Variants in LRMDA observed in about 807,000 individuals in gnomAD.
LRMDA encodes the protein leucine rich melanocyte differentiation associated, also known as leucine-rich melanocyte differentiation-associated protein.
A neutral mutation model predicts 29.8 loss-of-function variants in LRMDA; 18 were observed. The observed-to-expected ratio is 0.60, with a 90% confidence interval of 0.42 to 0.90. LRMDA has a LOEUF of 0.90. Among genes scored for constraint, LRMDA ranks in the 40% least tolerant of loss-of-function variants. The pLI is 0.00. For missense variants in LRMDA, 273 were observed against 273.9 expected (o/e 1.00, Z 0.02); for synonymous variants, 125 against 109.4 (o/e 1.14, Z -0.89).
chr10:75,447,693 G>A (rs1371645374), intron 2 of LRMDA, among the ~76,000 whole-genome samples: 1 of 152,058 alleles, frequency 6.6e-6, no homozygotes, highest in Non-Finnish European at 1.5e-5. Context: ...CCAGGAGTTT[G>A]AAACCAGCCT....
At chr10:76,168,488 C>CT (rs1161367531) in intron 5 of LRMDA, among the ~76,000 whole-genome samples, 1 of 152,182 alleles carries the variant, frequency 6.6e-6, no homozygotes, top group African/African-American at 2.4e-5. Flanking sequence ...TTTTGAACAA[C>CT]TTTGCTCAAA....
chr10:75,857,763 C>G (rs1395834893), intron 2 of LRMDA, among the ~76,000 whole-genome samples: 1 of 152,168 alleles, frequency 6.6e-6, no homozygotes, highest in African/African-American at 2.4e-5. Context: ...AGTAAAGCAC[C>G]AAATGAGCTG....
chr10:75,795,807 G>A (rs988192245), intron 2 of LRMDA, among the ~76,000 whole-genome samples: 2 of 152,094 alleles, frequency 1.3e-5, no homozygotes, highest in African/African-American at 2.4e-5. Flanking sequence ...TTTTGATTGG[G>A]ATTTTATTGA....
chr10:76,174,246 A>G (rs1374219450), intron 5 of LRMDA, among the ~76,000 whole-genome samples: 6 of 152,182 alleles, frequency 3.9e-5, no homozygotes, highest in African/African-American at 1.4e-4. Flanking sequence ...AAAACATATC[A>G]TGTACCCCAT....
At chr10:75,807,410 G>T (rs1228481108) in intron 2 of LRMDA, among the ~76,000 whole-genome samples, 1 of 152,222 alleles carries the variant, frequency 6.6e-6, no homozygotes, top group Non-Finnish European at 1.5e-5. Flanking sequence ...CTAGCCGTTG[G>T]CAAAGGGTCT....
intron 5 of LRMDA, among the ~76,000 whole-genome samples, chr10:76,154,145 T>C (rs1464758162): frequency 6.6e-6 from 1 of 152,222 alleles, no homozygotes; most frequent in Non-Finnish European, 1.5e-5. Flanking sequence ...TCTTTCTTGA[T>C]CATTGGATTT....
chr10:75,713,551 A>T (rs1426260686), intron 2 of LRMDA, among the ~76,000 whole-genome samples: 1 of 152,272 alleles, frequency 6.6e-6, no homozygotes, highest in Admixed American at 6.5e-5. Context: ...TAGAAATCTA[A>T]AAATACAAAA....
At chr10:76,336,589 A>G (rs1164345813) in intron 6 of LRMDA, among the ~76,000 whole-genome samples, 1 of 152,162 alleles carries the variant, frequency 6.6e-6, no homozygotes, top group Non-Finnish European at 1.5e-5. Context: ...GTGGGGAGCC[A>G]GGGAAATAAT....
intron 2 of LRMDA, among the ~76,000 whole-genome samples, chr10:75,511,995 G>A (rs931604036): frequency 2.0e-5 from 3 of 152,184 alleles, no homozygotes; most frequent in Non-Finnish European, 2.9e-5. Flanking sequence ...ATTGCTTCTG[G>A]AAGTTCTTCA....
intron 2 of LRMDA, among the ~76,000 whole-genome samples, chr10:75,535,284 A>G (rs774369869): frequency 2.6e-5 from 4 of 152,086 alleles, no homozygotes; most frequent in Non-Finnish European, 5.9e-5. Flanking sequence ...ACCATCAACA[A>G]CCTGAAATAG....
chr10:75,604,897 C>A (rs994800118), intron 2 of LRMDA, among the ~76,000 whole-genome samples: 1 of 152,174 alleles, frequency 6.6e-6, no homozygotes, highest in Non-Finnish European at 1.5e-5. Context: ...TTTAATAGAG[C>A]CCCAACCTTC....
chr10:75,470,450 T>G (rs971901377), intron 2 of LRMDA, among the ~76,000 whole-genome samples: 1 of 152,120 alleles, frequency 6.6e-6, no homozygotes, highest in African/African-American at 2.4e-5. Context: ...TGAGCTGAGA[T>G]TGCACCACTG....
chr10:76,130,326 A>T (rs1387174279), intron 5 of LRMDA, among the ~76,000 whole-genome samples: 1 of 152,240 alleles, frequency 6.6e-6, no homozygotes. Flanking sequence ...TGGGTAGGCT[A>T]CTAGTGTGGA....
At chr10:76,425,930 A>G (rs552393341) in intron 6 of LRMDA, among the ~76,000 whole-genome samples, 5 of 152,152 alleles carry the variant, frequency 3.3e-5, no homozygotes, top group African/African-American at 1.2e-4. Flanking sequence ...AAGGACATGA[A>G]CTCATCATTT....
In LRMDA at chr10:75,543,269, A is replaced by G. The variant is rs149884122; in HGVS notation, c.131+104775A>G. 6.4e-3 allele frequency among the ~76,000 whole-genome samples: 971 copies of G among 152,290 alleles called. 14 individuals are homozygous for G. Among genetic ancestry groups the G allele is most frequent in the African/African-American group, 0.022 (906 of 41,552 alleles). On this transcript the variant is annotated intron_variant, in intron 2 of 6. Transcript: ENST00000611255. The stretch of plus-strand genomic sequence containing the variant: ...TCCCACTGGAGAAAATGAGCTGAAC[A>G]TTTTGCTTCTTCTTTAACAGGGCGC...
At chr10:76,120,318 A>G (rs1849762011) in intron 5 of LRMDA, among the ~76,000 whole-genome samples, 1 of 151,626 alleles carries the variant, frequency 6.6e-6, no homozygotes, top group Non-Finnish European at 1.5e-5. Context: ...CCTCCTGAGT[A>G]GCTGGGACTA....
chr10:75,493,364 T>TGTGG (rs1845010007), intron 2 of LRMDA, among the ~76,000 whole-genome samples: 1 of 149,916 alleles, frequency 6.7e-6, no homozygotes. Flanking sequence ...TGTGTGTGTG[T>TGTGG]GTGTGTGTGT....
chr10:75,720,998 G>A (rs183588148), intron 2 of LRMDA, among the ~76,000 whole-genome samples: 97 of 152,336 alleles, frequency 6.4e-4, no homozygotes, highest in Admixed American at 1.8e-3. Context: ...TAACTATGCC[G>A]TGCCATCTTG....
chr10:76,051,209 T>C (rs1288718165), intron 4 of LRMDA, among the ~76,000 whole-genome samples: 1 of 152,216 alleles, frequency 6.6e-6, no homozygotes, highest in South Asian at 2.1e-4. Context: ...CATAACCCAG[T>C]GAGCATTCTC....
Sources: allele counts gnomAD v4.1 joint callset (sites outside exome capture counted in the v4.1 genomes callset), GRCh38; gene constraint gnomAD v4.1.1; transcripts MANE v1.5; gene names NCBI Gene and HGNC (gene_info 2026-07-23, HGNC 2026-07-21).